OR52K1: variants seen among roughly 807,000 people sequenced by gnomAD.
OR52K1 encodes the protein olfactory receptor family 52 subfamily K member 1.
Under a neutral mutation model 8.7 loss-of-function variants are expected in OR52K1, and 10 were observed. The ratio of observed to expected loss-of-function variants is 1.15; its 90% CI spans 0.71 to 1.95. The LOEUF is 1.95. OR52K1 is among the 30% of genes most tolerant of loss of function. The probability of loss-of-function intolerance (pLI) is 0.00; values close to 1 mark genes in which losing one functional copy is unlikely to be tolerated. For missense variants in OR52K1, 431 were observed against 397.2 expected (o/e 1.08, Z -0.72); for synonymous variants, 203 against 148.5 (o/e 1.37, Z -2.67).
intron 1 of OR52K1, among the ~76,000 whole-genome samples, chr11:4,488,271 G>A (rs1317850433): frequency 4.6e-5 from 7 of 152,194 alleles, no homozygotes; most frequent in African/African-American, 1.7e-4. Context: ...TGTGGCTATT[G>A]AGCACGTGAA....
rs96489 is a variant in OR52K1 at position 4,489,055 on chromosome 11, A to G, written c.155A>G (p.Gln52Arg). ...AACTGTACCCTTCTCTTCATTATCC[A>G]GGCTGATGCAGCCCTCCATGAACCC... Reference protein sequence around the residue: ...LGNCTLLFIIQADAALHEPMY... With the variant: ...LGNCTLLFIIRADAALHEPMY... Residue 52 changes from glutamine to arginine, a missense_variant, in exon 2 of 2, where the codon CAG becomes CGG. Coordinates refer to ENST00000641528, the MANE Select transcript of OR52K1 (RefSeq NM_001005171.3). The G allele has an allele frequency of 0.31, 495,327 of 1,613,786 alleles. 79,430 individuals carry two copies. The highest frequency in any genetic ancestry group is 0.51 in the African/African-American group (37,951 of 74,940).
intron 1 of OR52K1, 147 bp downstream of exon 1, chr11:4,483,323 T>C (rs1392089616): frequency 1.0e-5 from 4 of 396,142 alleles, no homozygotes; most frequent in Admixed American, 4.4e-5. Context: ...GGCAACCAAA[T>C]AGATTCAGTA....
At chr11:4,487,368 T>C (rs1490401643) in intron 1 of OR52K1, among the ~76,000 whole-genome samples, 6 of 152,172 alleles carry the variant, frequency 3.9e-5, no homozygotes, top group Non-Finnish European at 5.9e-5. Flanking sequence ...ACCCCTCAGA[T>C]AAAGGGAAAT....
At chr11:4,483,233 G>C in intron 1 of OR52K1, 57 bp downstream of exon 1, 1 of 398,536 alleles carries the variant, frequency 2.5e-6, no homozygotes, top group African/African-American at 2.1e-5. Context: ...GAAGTATCTT[G>C]ATTATGTGAT....
chr11:4,493,481 G>T lies in OR52K1; in HGVS notation c.*3636G>T, dbSNP rs568191363. 1 of 152,370 alleles carries T rather than the reference G, an allele frequency of 6.6e-6. No individual in the cohort carries two copies. Among genetic ancestry groups the T allele is most frequent in the East Asian group, 1.9e-4 (1 of 5,180 alleles). The allele number at this position is 152,370 out of a possible 1,614,324, so 9.4% of individuals were successfully genotyped here. A position where few individuals can be genotyped will look rare whatever the true frequency, so the allele number is the denominator to read the frequency against. ...TGACAGAGGCTCACACTTGTCTTCT[G>T]GTCACTTCTCACCGCGCCCCTTTAG... On this transcript the variant is annotated 3_prime_UTR_variant, in exon 2 of 2. Transcript: ENST00000641528.
At position 4,488,619 on chromosome 11, in the gene OR52K1, A is replaced by G. The variant is rs1321546857; in HGVS notation, c.-282A>G. 2.5e-6 allele frequency: 1 copy of G among 397,698 alleles called. No homozygotes were observed. The highest frequency in any genetic ancestry group is 4.3e-5 in the Admixed American group (1 of 23,506). The allele number at this position is 397,698 out of a possible 1,614,324, so 24.6% of individuals were successfully genotyped here. ...ACACAGAAAACACTACATATACTCC[A>G]TTCCTTTATGAAAGTTGTCTTAGAA... On this transcript the variant is annotated 5_prime_UTR_variant, in exon 2 of 2. Transcript: ENST00000641528.
rs960881112 is a variant in OR52K1, at chr11:4,490,785, G to A, written c.*940G>A. On this transcript the variant is annotated 3_prime_UTR_variant, in exon 2 of 2. Coordinates refer to ENST00000641528, the MANE Select transcript of OR52K1 (RefSeq NM_001005171.3). ...TTTAACTTTTAAGTTACATGTACAG[G>A]TTTGTTATCTAGGTAAAGCCATGTT... is the stretch of plus-strand genomic sequence containing the variant. 23 of 152,094 alleles carry A rather than the reference G, an allele frequency of 1.5e-4. No homozygotes were observed. Among genetic ancestry groups the A allele is most frequent in the Admixed American group, 1.2e-3 (19 of 15,274 alleles). 9.4% of individuals were successfully genotyped at this position (152,094 alleles called of 1,614,324 possible). A position where few individuals can be genotyped will look rare whatever the true frequency, so the allele number is the denominator to read the frequency against.
intron 1 of OR52K1, among the ~76,000 whole-genome samples, chr11:4,485,566 G>A (rs1846314988): frequency 6.6e-6 from 1 of 151,998 alleles, no homozygotes; most frequent in African/African-American, 2.4e-5. Flanking sequence ...TGTCAAAAAT[G>A]CCACTGACAC....
chr11:4,489,470 G>T lies in OR52K1; in HGVS notation c.570G>T (p.Ala190=), dbSNP rs760735496. 8 of 1,614,230 alleles carry T rather than the reference G, an allele frequency of 5.0e-6. No individual in the cohort carries two copies. The highest frequency in any genetic ancestry group is 1.7e-5 in the Admixed American group (1 of 60,032). ...YCEHMAVVRL[A]CGDTSFNNIY... ...AACACATGGCTGTGGTAAGGCTGGCGTGTGGGGACACTAGCTTCAACAATA... is the reference window on the plus strand; with the variant it reads ...AACACATGGCTGTGGTAAGGCTGGCTTGTGGGGACACTAGCTTCAACAATA... Residue 190 remains alanine (A), a synonymous_variant, in exon 2 of 2, where the codon GCG becomes GCT. Transcript: ENST00000641528.
rs1197490549 is a variant in OR52K1, at chr11:4,488,641, A to G, written c.-260A>G. ...TCCATTCCTTTATGAAAGTTGTCTT[A>G]GAATATTAAATATCCATAGAATTGA... is the stretch of plus-strand genomic sequence containing the variant. On this transcript the variant is annotated 5_prime_UTR_variant, in exon 2 of 2. Transcript: ENST00000641528. 9.0e-6 allele frequency: 4 copies of G among 446,666 alleles called. No individual in the cohort carries two copies. The South Asian group carries it at 9.7e-5, about 11-fold the overall frequency. The allele number at this position is 446,666 out of a possible 1,614,324, so 27.7% of individuals were successfully genotyped here.
At position 4,489,264 on chromosome 11, in the gene OR52K1, T is replaced by G; in HGVS notation, c.364T>G (p.Phe122Val). ...MESAVLLAMA[F>V]DRYVAICKPL... Reference sequence around the variant, plus strand: ...GTCAGCAGTGCTGCTGGCCATGGCCTTTGACCGCTATGTGGCCATCTGCAA... The same window carrying G: ...GTCAGCAGTGCTGCTGGCCATGGCCGTTGACCGCTATGTGGCCATCTGCAA... Residue 122 changes from phenylalanine to valine, a missense_variant, in exon 2 of 2, where the codon TTT becomes GTT. Transcript: ENST00000641528. 1 of 1,614,212 alleles carries G rather than the reference T, an allele frequency of 6.2e-7. No individual in the cohort carries two copies. The highest frequency in any genetic ancestry group is 8.5e-7 in the Non-Finnish European group (1 of 1,180,036).
Position 4,487,068 on chromosome 11 carries a change from C to A in OR52K1, c.-328-1505C>A, listed in dbSNP as rs564125316. On this transcript the variant is annotated intron_variant, in intron 1 of 1. Coordinates refer to ENST00000641528, the MANE Select transcript of OR52K1 (RefSeq NM_001005171.3). ...TCATCATGGAGGTCATTGATTGTCA[C>A]AGTAAAAGGAATTTTTGGTTTGTGA... Among the ~76,000 whole-genome samples, 30 of 152,172 alleles carry A rather than the reference C, an allele frequency of 2.0e-4. 1 individual carries two copies. In the South Asian group the frequency reaches 5.2e-3, roughly 26 times the overall value.
intron 1 of OR52K1, among the ~76,000 whole-genome samples, chr11:4,486,308 G>C (rs1408855597): frequency 6.6e-6 from 1 of 152,208 alleles, no homozygotes; most frequent in East Asian, 1.9e-4. Flanking sequence ...TCTGTGTCTA[G>C]AGTGGACAAT....
In OR52K1 at chr11:4,490,825, G is replaced by A. The variant is rs1340026591; in HGVS notation, c.*980G>A. 4 of 152,118 alleles carry A rather than the reference G, an allele frequency of 2.6e-5. No homozygotes were observed. The highest frequency in any genetic ancestry group is 6.5e-5 in the Admixed American group (1 of 15,272). The allele number at this position is 152,118 out of a possible 1,614,324, so 9.4% of individuals were successfully genotyped here. On this transcript the variant is annotated 3_prime_UTR_variant, in exon 2 of 2. Transcript: ENST00000641528. ...AAAGCCATGTTATGGGGGTTTTGTT[G>A]TACAGATTATTTCATCACCCAAGTA...
rs1028686952 is a variant in OR52K1 at position 4,482,880 on chromosome 11, T to G, written c.-625T>G. The G allele has an allele frequency of 1.7e-5, 6 of 355,512 alleles. No individual in the cohort carries two copies. The highest frequency in any genetic ancestry group is 7.3e-4 in the Middle Eastern group (1 of 1,368). 22.0% of individuals were successfully genotyped at this position (355,512 alleles called of 1,614,324 possible). A position where few individuals can be genotyped will look rare whatever the true frequency, so the allele number is the denominator to read the frequency against. ...ATCAGCTCTCCAACCCTGTTATTGC[T>G]TCTACTCTGGTCCTTCAATAGAGGG... On this transcript the variant is annotated 5_prime_UTR_variant, in exon 1 of 2. Coordinates refer to ENST00000641528, the MANE Select transcript of OR52K1 (RefSeq NM_001005171.3).
chr11:4,489,064 C>A lies in OR52K1; in HGVS notation c.164C>A (p.Ala55Glu), dbSNP rs1008341571. 1.2e-6 allele frequency: 2 copies of A among 1,614,086 alleles called. No homozygotes were observed. Among genetic ancestry groups the A allele is most frequent in the Non-Finnish European group, 1.7e-6 (2 of 1,180,018 alleles). ...CTLLFIIQAD[A>E]ALHEPMYLFL... is the part of the protein sequence containing the mutation. ...CTTCTCTTCATTATCCAGGCTGATG[C>A]AGCCCTCCATGAACCCATGTACCTC... is the stretch of plus-strand genomic sequence containing the variant. Residue 55 changes from alanine (A) to glutamate (E), a missense_variant, in exon 2 of 2, where the codon GCA becomes GAA. By Grantham distance (107) the Ala-to-Glu change is moderately radical. Transcript: ENST00000641528.
chr11:4,485,908 A>G (rs11032449), intron 1 of OR52K1, among the ~76,000 whole-genome samples: 12,130 of 151,914 alleles, frequency 0.08, 664 homozygotes, highest in Middle Eastern at 0.12. Flanking sequence ...GCTTCATCCT[A>G]CCTGTGCTGG....
chr11:4,489,269 C>G lies in OR52K1; in HGVS notation c.369C>G (p.Asp123Glu). The change falls in exon 2 of 2, where the codon GAC becomes GAG. Residue 123 changes from aspartate (D) to glutamate (E), a missense_variant. Transcript: ENST00000641528. ...CAGTGCTGCTGGCCATGGCCTTTGA[C>G]CGCTATGTGGCCATCTGCAAGCCAT... ...ESAVLLAMAF[D>E]RYVAICKPLH... 1.9e-6 allele frequency: 3 copies of G among 1,614,208 alleles called. No homozygotes were observed. Among genetic ancestry groups the G allele is most frequent in the Non-Finnish European group, 2.5e-6 (3 of 1,180,044 alleles).
At chr11:4,485,710 C>T (rs1444528281) in intron 1 of OR52K1, among the ~76,000 whole-genome samples, 2 of 152,202 alleles carry the variant, frequency 1.3e-5, no homozygotes, top group Non-Finnish European at 2.9e-5. Context: ...ACCCTTCCCT[C>T]TTTGTGCTAT....
Sources: gnomAD v4.1 joint callset for allele counts (sites outside exome capture counted in the v4.1 genomes callset) on GRCh38, gnomAD v4.1.1 for gene constraint, MANE v1.5 for transcripts, NCBI Gene and HGNC (gene_info 2026-07-23, HGNC 2026-07-21) for gene names.